Variants in XIRP2 observed in about 807,000 individuals in gnomAD.
XIRP2 encodes xin actin binding repeat containing 2.
A neutral mutation model predicts 277.0 loss-of-function variants in XIRP2; 236 were observed. The ratio of observed to expected loss-of-function variants is 0.85; its 90% CI spans 0.77 to 0.95. XIRP2 has a LOEUF of 0.95. Among genes scored for constraint, XIRP2 ranks in the 40% least tolerant of loss-of-function variants. The pLI is 0.00. For synonymous variants in XIRP2, 1,490 were observed against 1,416.5 expected (o/e 1.05, Z -1.17); for missense variants, 4,640 against 4,157.5 (o/e 1.12, Z -3.19).
In XIRP2 at chr2:166,934,923, C is replaced by A. The variant is rs974857085; in HGVS notation, c.408+31033C>A. 4.6e-5 allele frequency among the ~76,000 whole-genome samples: 7 copies of A among 151,920 alleles called. No individual in the cohort carries two copies. In the South Asian group the frequency reaches 1.5e-3, roughly 32 times the overall value. On this transcript the variant is annotated intron_variant, in intron 2 of 10. Coordinates refer to ENST00000409195, the MANE Select transcript of XIRP2 (RefSeq NM_152381.6). ...GCACACACCTGTAGTCTCAGCTAGT[C>A]GGGAAGCTATGTGAGGAGAATGGCT...
chr2:167,207,118 A>T (rs898565122), intron 3 of XIRP2, among the ~76,000 whole-genome samples: 2 of 152,122 alleles, frequency 1.3e-5, no homozygotes, highest in African/African-American at 4.8e-5. Context: ...CTTATTTCAG[A>T]TTTTTGGATG....
At chr2:167,019,934 C>G (rs1687936085) in intron 2 of XIRP2, among the ~76,000 whole-genome samples, 1 of 151,964 alleles carries the variant, frequency 6.6e-6, no homozygotes, top group Non-Finnish European at 1.5e-5. Context: ...CAAGATGATT[C>G]TTTAAAAGCT....
chr2:167,206,048 G>A lies in XIRP2; in HGVS notation c.563-4687G>A, dbSNP rs7556808. ...AATTGGTTCTCTAATTACCTTTAGT[G>A]TTCGGCGTTGTAAAGGAAATATCTA... is the stretch of plus-strand genomic sequence containing the variant. On this transcript the variant is annotated intron_variant, in intron 3 of 10. Coordinates refer to ENST00000409195, the MANE Select transcript of XIRP2 (RefSeq NM_152381.6). Among the ~76,000 whole-genome samples the A allele has an allele frequency of 6.7e-3, 1,017 of 152,202 alleles. 14 individuals carry two copies. The highest frequency in any genetic ancestry group is 0.023 in the African/African-American group (959 of 41,526).
chr2:167,220,670 G>A (rs1330306601), intron 5 of XIRP2, among the ~76,000 whole-genome samples: 2 of 152,138 alleles, frequency 1.3e-5, no homozygotes, highest in Non-Finnish European at 2.9e-5. Flanking sequence ...AAGGCTTATA[G>A]CATCTTGTTG....
At chr2:167,023,668 A>C (rs1233952383) in intron 2 of XIRP2, among the ~76,000 whole-genome samples, 2 of 152,084 alleles carry the variant, frequency 1.3e-5, no homozygotes, top group Non-Finnish European at 2.9e-5. Context: ...TCAGCTTTCT[A>C]CTTATGGCCA....
intron 3 of XIRP2, among the ~76,000 whole-genome samples, chr2:167,178,397 G>T (rs1473432601): frequency 6.6e-6 from 1 of 152,072 alleles, no homozygotes; most frequent in Non-Finnish European, 1.5e-5. Context: ...ATTTTGAAAT[G>T]AAGTATAATG....
chr2:167,250,328 T>C lies in XIRP2; in HGVS notation c.8936T>C (p.Leu2979Pro). 4 of 1,613,520 alleles carry C rather than the reference T, an allele frequency of 2.5e-6. No homozygotes were observed. Among genetic ancestry groups the C allele is most frequent in the Non-Finnish European group, 3.4e-6 (4 of 1,179,694 alleles). ...NKSGLKTFQT[L>P]LNTIPGWLIS... is the part of the protein sequence containing the mutation. Reference sequence around the variant, plus strand: ...AGTGGCCTTAAAACATTTCAGACACTATTAAATACTATCCCAGGATGGCTG... The same window carrying C: ...AGTGGCCTTAAAACATTTCAGACACCATTAAATACTATCCCAGGATGGCTG... The change falls in exon 9 of 11, where the codon CTA (leucine) becomes CCA (proline). Residue 2979 changes from leucine to proline, a missense_variant. Leu to Pro is a moderately conservative substitution (Grantham distance 98, BLOSUM62 -3). Coordinates refer to ENST00000409195, the MANE Select transcript of XIRP2 (RefSeq NM_152381.6).
Position 167,245,794 on chromosome 2 carries a change from G to A in XIRP2, c.4402G>A (p.Gly1468Arg). 6.2e-7 allele frequency: 1 copy of A among 1,613,674 alleles called. No homozygotes were observed. The highest frequency in any genetic ancestry group is 8.5e-7 in the Non-Finnish European group (1 of 1,179,746). ...CACTATGGATGAACTGAGAGGAGAA[G>A]GGTTAGAATATGAAAATATCAAGAC... is the stretch of plus-strand genomic sequence containing the variant. Reference protein sequence around the residue: ...THTMDELRGEGLEYENIKTVT... With the variant: ...THTMDELRGERLEYENIKTVT... The change falls in exon 9 of 11, where the codon GGG becomes AGG. Residue 1468 changes from glycine to arginine, a missense_variant. By Grantham distance (125) the Gly-to-Arg change is moderately radical. Transcript: ENST00000409195.
chr2:167,025,556 A>G (rs893086622), intron 2 of XIRP2, among the ~76,000 whole-genome samples: 2 of 151,348 alleles, frequency 1.3e-5, no homozygotes, highest in South Asian at 2.1e-4. Context: ...TAGGGTGTCA[A>G]TTTTGGATCT....
intron 3 of XIRP2, among the ~76,000 whole-genome samples, chr2:167,194,598 G>C (rs1226208113): frequency 6.6e-6 from 1 of 152,100 alleles, no homozygotes; most frequent in African/African-American, 2.4e-5. Flanking sequence ...AGAGCCAGAA[G>C]AGGTTCCAAA....
At chr2:167,035,382 A>G (rs1190388826) in intron 2 of XIRP2, among the ~76,000 whole-genome samples, 1 of 152,182 alleles carries the variant, frequency 6.6e-6, no homozygotes, top group Non-Finnish European at 1.5e-5. Flanking sequence ...TCCAGGCTGA[A>G]TTGGTCTCAG....
At chr2:167,176,137 C>T (rs576186649) in intron 3 of XIRP2, among the ~76,000 whole-genome samples, 29 of 152,136 alleles carry the variant, frequency 1.9e-4, no homozygotes, top group Non-Finnish European at 3.4e-4. Context: ...GGTTCTGTCT[C>T]GTTGGCATTC....
chr2:167,257,764 A>G, intron 10 of XIRP2, 93 bp from the exon 11 acceptor site: 1 of 1,298,002 alleles, frequency 7.7e-7, no homozygotes, highest in African/African-American at 1.5e-5. Context: ...ACTTAAGTTT[A>G]CTAGTCTGTA....
chr2:166,961,946 G>A (rs1686308052), intron 2 of XIRP2, among the ~76,000 whole-genome samples: 1 of 151,458 alleles, frequency 6.6e-6, no homozygotes, highest in Non-Finnish European at 1.5e-5. Flanking sequence ...CATACCTCTG[G>A]GAATTAAGGA....
intron 3 of XIRP2, among the ~76,000 whole-genome samples, chr2:167,194,658 A>T (rs1376325579): frequency 6.6e-6 from 1 of 152,044 alleles, no homozygotes; most frequent in Non-Finnish European, 1.5e-5. Context: ...TGTCAGGTTA[A>T]CTCTAACTGG....
chr2:167,164,900 T>G (rs1222080740), intron 3 of XIRP2, among the ~76,000 whole-genome samples: 1 of 152,132 alleles, frequency 6.6e-6, no homozygotes. Flanking sequence ...AGAGTTAGAG[T>G]GTTGAACATT....
intron 2 of XIRP2, among the ~76,000 whole-genome samples, chr2:167,102,219 C>G (rs920124937): frequency 6.6e-6 from 1 of 152,098 alleles, no homozygotes; most frequent in African/African-American, 2.4e-5. Flanking sequence ...GTAGAAACAG[C>G]ATTGTTAGAA....
chr2:167,121,301 T>C (rs138424540), intron 2 of XIRP2, among the ~76,000 whole-genome samples: 161 of 152,312 alleles, frequency 1.1e-3, no homozygotes, highest in Admixed American at 7.1e-3. Flanking sequence ...TTGCACATTT[T>C]AGTATGATCG....
chr2:167,139,738 G>A (rs1001375724), intron 3 of XIRP2, among the ~76,000 whole-genome samples: 12 of 152,124 alleles, frequency 7.9e-5, no homozygotes, highest in African/African-American at 2.7e-4. Flanking sequence ...GAGTAATGAC[G>A]TCCAATAGAA....
Sources: allele counts gnomAD v4.1 joint callset (sites outside exome capture counted in the v4.1 genomes callset), GRCh38; gene constraint gnomAD v4.1.1; transcripts MANE v1.5; gene names NCBI Gene and HGNC (gene_info 2026-07-23, HGNC 2026-07-21).